The following PDGFD variants were observed in gnomAD, a reference collection of about 807,000 sequenced individuals.
The protein encoded by PDGFD is platelet derived growth factor D, also known as platelet-derived growth factor D.
A neutral mutation model predicts 44.7 loss-of-function variants in PDGFD; 30 were observed. The ratio of observed to expected loss-of-function variants is 0.67; its 90% CI spans 0.50 to 0.91. The LOEUF is 0.91. Among genes scored for constraint, PDGFD ranks in the 40% least tolerant of loss-of-function variants. The probability of loss-of-function intolerance (pLI) is 0.00; values close to 1 mark genes in which losing one functional copy is unlikely to be tolerated. For synonymous variants in PDGFD, 173 were observed against 168.4 expected, an observed-to-expected ratio of 1.03 and a Z score of -0.21; for missense variants, 445 against 457.8, an observed-to-expected ratio of 0.97 and a Z score of 0.25.
At chr11:103,969,204 T>C (rs1462772088) in intron 3 of PDGFD, among the ~76,000 whole-genome samples, 2 of 152,206 alleles carry the variant, frequency 1.3e-5, no homozygotes, top group African/African-American at 4.8e-5. Context: ...TCCTAGGGCA[T>C]GTTGTGACAC....
intron 1 of PDGFD, among the ~76,000 whole-genome samples, chr11:104,078,191 G>A (rs1301471122): frequency 1.3e-5 from 2 of 152,190 alleles, no homozygotes; most frequent in African/African-American, 4.8e-5. Context: ...ATCCATGGCT[G>A]TTGGGTGGGT....
intron 1 of PDGFD, among the ~76,000 whole-genome samples, chr11:104,126,863 T>C (rs376174742): frequency 6.7e-6 from 1 of 148,940 alleles, no homozygotes; most frequent in South Asian, 2.1e-4. Flanking sequence ...GAAAAAAAAA[T>C]CCTTTACAAG....
At chr11:104,133,699 T>C (rs1461210566) in intron 1 of PDGFD, among the ~76,000 whole-genome samples, 1 of 152,226 alleles carries the variant, frequency 6.6e-6, no homozygotes, top group Non-Finnish European at 1.5e-5. Context: ...TAACGTTTAC[T>C]GAAATGCTGC....
At chr11:104,061,149 C>G (rs361257) in intron 1 of PDGFD, among the ~76,000 whole-genome samples, 49,685 of 151,810 alleles carry the variant, frequency 0.33, 8,322 homozygotes, top group East Asian at 0.47. Flanking sequence ...CTTTTTACAG[C>G]TAAATAATGG....
At chr11:104,038,338 A>T (rs1053952329) in intron 1 of PDGFD, 1 of 244,864 alleles carries the variant, frequency 4.1e-6, no homozygotes, top group Non-Finnish European at 8.6e-6. Context: ...GCTTATCCAA[A>T]TCATTGCTAT....
At chr11:104,125,977 G>A (rs1334273353) in intron 1 of PDGFD, among the ~76,000 whole-genome samples, 3 of 152,126 alleles carry the variant, frequency 2.0e-5, no homozygotes, top group African/African-American at 7.2e-5. Flanking sequence ...ATGCAATAAA[G>A]AGCACAGCTC....
At chr11:104,058,839 C>G (rs1043787660) in intron 1 of PDGFD, among the ~76,000 whole-genome samples, 1 of 152,100 alleles carries the variant, frequency 6.6e-6, no homozygotes, top group Non-Finnish European at 1.5e-5. Context: ...ACAACGTGAA[C>G]GAATATGTAA....
rs78276175 is a variant in PDGFD, at chr11:104,086,960, C to T, written c.124+76844G>A. Among the ~76,000 whole-genome samples, 451 of 150,278 alleles carry T rather than the reference C, an allele frequency of 3.0e-3. 2 individuals carry two copies. Among genetic ancestry groups the T allele is most frequent in the African/African-American group, 9.7e-3 (401 of 41,214 alleles). On this transcript the variant is annotated intron_variant, in intron 1 of 6. Transcript: ENST00000393158. ...TCAGTGGTCTTTAGCTTACAATGCA[C>T]TGTCCATAACTCAATTGATTGAAAG... is the stretch of plus-strand genomic sequence containing the variant.
intron 1 of PDGFD, among the ~76,000 whole-genome samples, chr11:104,095,955 T>C (rs535946862): frequency 5.3e-5 from 8 of 152,278 alleles, no homozygotes; most frequent in African/African-American, 1.7e-4. Flanking sequence ...GCCTGTACTT[T>C]GAAACAATAA....
chr11:104,083,538 G>A (rs938319928), intron 1 of PDGFD, among the ~76,000 whole-genome samples: 2 of 152,100 alleles, frequency 1.3e-5, no homozygotes, highest in African/African-American at 2.4e-5. Context: ...AGTATCAAAT[G>A]TTCCCATTAC....
chr11:104,104,650 A>T (rs1204083932), intron 1 of PDGFD, among the ~76,000 whole-genome samples: 1 of 152,140 alleles, frequency 6.6e-6, no homozygotes, highest in Non-Finnish European at 1.5e-5. Context: ...AGGCTGCACC[A>T]TCTAAGTTTG....
chr11:104,051,168 C>CT (rs2134406465), intron 1 of PDGFD, among the ~76,000 whole-genome samples: 1 of 152,274 alleles, frequency 6.6e-6, no homozygotes, highest in South Asian at 2.1e-4. Context: ...AACATAAATG[C>CT]TGTCAGCGAT....
intron 1 of PDGFD, among the ~76,000 whole-genome samples, chr11:104,081,662 T>C (rs1175020420): frequency 6.6e-6 from 1 of 152,154 alleles, no homozygotes; most frequent in Non-Finnish European, 1.5e-5. Context: ...TATTCAGCTA[T>C]GAAAAATCTG....
chr11:104,161,036 T>G (rs1393947081), intron 1 of PDGFD, among the ~76,000 whole-genome samples: 1 of 152,122 alleles, frequency 6.6e-6, no homozygotes, highest in East Asian at 1.9e-4. Context: ...ACACCCGGCT[T>G]TTTTGCTCCT....
chr11:104,091,082 C>G (rs1861206510), intron 1 of PDGFD, among the ~76,000 whole-genome samples: 1 of 152,184 alleles, frequency 6.6e-6, no homozygotes, highest in African/African-American at 2.4e-5. Flanking sequence ...CACAGCTACA[C>G]AGCTGATGCC....
At chr11:103,923,901 G>T (rs766929597) in intron 6 of PDGFD, among the ~76,000 whole-genome samples, 20 of 152,196 alleles carry the variant, frequency 1.3e-4, no homozygotes, top group Non-Finnish European at 2.6e-4. Flanking sequence ...GTCTTAAAGA[G>T]ATGCTTTAGA....
chr11:104,034,211 C>A (rs1325423849), intron 1 of PDGFD, among the ~76,000 whole-genome samples: 2 of 151,496 alleles, frequency 1.3e-5, no homozygotes, highest in Non-Finnish European at 2.9e-5. Flanking sequence ...TATTTTTTAC[C>A]CTTCAATTTG....
At chr11:103,996,937 C>T (rs189088345) in intron 2 of PDGFD, among the ~76,000 whole-genome samples, 3 of 152,232 alleles carry the variant, frequency 2.0e-5, no homozygotes. Context: ...TGGCATTGGT[C>T]GGAGAAACTA....
chr11:103,942,617 C>A (rs1379162236), intron 5 of PDGFD, among the ~76,000 whole-genome samples: 3 of 152,036 alleles, frequency 2.0e-5, no homozygotes, highest in South Asian at 4.1e-4. Context: ...ATATCTCGAG[C>A]ACATAAACCA....
Sources: gnomAD v4.1 joint callset for allele counts (sites outside exome capture counted in the v4.1 genomes callset) on GRCh38, gnomAD v4.1.1 for gene constraint, MANE v1.5 for transcripts, NCBI Gene and HGNC (gene_info 2026-07-23, HGNC 2026-07-21) for gene names.